Variants in KDM4C observed in about 807,000 individuals in gnomAD.
KDM4C encodes the protein lysine-specific demethylase 4C.
KDM4C carries 81 observed loss-of-function variants against 129.3 expected under a neutral mutation model. That is an observed-to-expected ratio of 0.63 (90% CI 0.52 to 0.75). KDM4C has a LOEUF of 0.75. Ranked by LOEUF, KDM4C falls within the 30% of genes least tolerant of loss-of-function variation. KDM4C has a pLI of 0.00. For missense variants in KDM4C, 1,457 were observed against 1,304.0 expected, an observed-to-expected ratio of 1.12 and a Z score of -1.81; for synonymous variants, 573 against 456.1, an observed-to-expected ratio of 1.26 and a Z score of -3.26.
At chr9:6,777,588 G>T (rs1823354207) in intron 1 of KDM4C, among the ~76,000 whole-genome samples, 1 of 152,172 alleles carries the variant, frequency 6.6e-6, no homozygotes, top group South Asian at 2.1e-4. Context: ...TCTAAGACAA[G>T]AAAGTTGTTA....
At chr9:6,987,970 C>A (rs575471663) in intron 11 of KDM4C, among the ~76,000 whole-genome samples, 1 of 150,460 alleles carries the variant, frequency 6.6e-6, no homozygotes, top group African/African-American at 2.4e-5. Context: ...TGAGCCTGGA[C>A]AACATGGTCA....
chr9:7,162,640 G>C (rs1439572579), intron 19 of KDM4C, among the ~76,000 whole-genome samples: 1 of 152,206 alleles, frequency 6.6e-6, no homozygotes, highest in South Asian at 2.1e-4. Flanking sequence ...TGGTGATATG[G>C]TACCTAAAAT....
intron 8 of KDM4C, among the ~76,000 whole-genome samples, chr9:6,900,455 T>C (rs1177573627): frequency 6.6e-6 from 1 of 152,210 alleles, no homozygotes; most frequent in East Asian, 1.9e-4. Context: ...TATCTCACAA[T>C]TGGTTGAGTT....
chr9:7,014,834 C>A (rs533866113), intron 14 of KDM4C, among the ~76,000 whole-genome samples: 1 of 151,626 alleles, frequency 6.6e-6, no homozygotes, highest in African/African-American at 2.4e-5. Context: ...TTAGAGACTA[C>A]CTACTTCCTC....
At chr9:7,136,719 C>T (rs1841244902) in intron 19 of KDM4C, among the ~76,000 whole-genome samples, 1 of 152,174 alleles carries the variant, frequency 6.6e-6, no homozygotes, top group Non-Finnish European at 1.5e-5. Context: ...ATAGTCTGTA[C>T]ATATCCTTTA....
At chr9:6,842,874 A>G (rs1489934540) in intron 4 of KDM4C, among the ~76,000 whole-genome samples, 1 of 152,048 alleles carries the variant, frequency 6.6e-6, no homozygotes, top group East Asian at 1.9e-4. Flanking sequence ...TGAGTTTGTA[A>G]GTCCTGCTTT....
intron 15 of KDM4C, among the ~76,000 whole-genome samples, chr9:7,031,964 C>A (rs770926775): frequency 6.6e-6 from 1 of 152,166 alleles, no homozygotes; most frequent in Non-Finnish European, 1.5e-5. Flanking sequence ...ATTTATCAGA[C>A]CTCTGGAACT....
At chr9:6,880,908 A>G (rs1301519453) in intron 6 of KDM4C, among the ~76,000 whole-genome samples, 5 of 152,160 alleles carry the variant, frequency 3.3e-5, no homozygotes, top group Admixed American at 2.6e-4. Flanking sequence ...ACCCTTCCAG[A>G]AAGAAGATGT....
At chr9:6,789,108 G>A (rs1307309853) in intron 1 of KDM4C, among the ~76,000 whole-genome samples, 1 of 150,872 alleles carries the variant, frequency 6.6e-6, no homozygotes, top group East Asian at 1.9e-4. Flanking sequence ...GGAGTGCAGT[G>A]GCACAGTCTT....
chr9:6,866,033 G>A (rs1462409654), intron 5 of KDM4C, among the ~76,000 whole-genome samples: 1 of 152,014 alleles, frequency 6.6e-6, no homozygotes, highest in African/African-American at 2.4e-5. Context: ...GATTCACCGT[G>A]CCTGGCCACC....
intron 8 of KDM4C, among the ~76,000 whole-genome samples, chr9:6,958,860 C>G (rs147977258): frequency 1.6e-4 from 24 of 152,090 alleles, no homozygotes; most frequent in African/African-American, 4.1e-4. Context: ...TAGATGCAAG[C>G]TGGTCTCGAA....
chr9:7,173,368 G>A (rs1009518511), intron 21 of KDM4C, among the ~76,000 whole-genome samples: 11 of 152,224 alleles, frequency 7.2e-5, no homozygotes, highest in African/African-American at 2.2e-4. Context: ...AGCAGAGCAC[G>A]GGGCAGGCTT....
Position 7,165,347 on chromosome 9 carries a change from A to G in KDM4C, c.2891A>G (p.His964Arg), listed in dbSNP as rs1844267889. 6.2e-7 allele frequency: 1 copy of G among 1,614,046 alleles called. No individual in the cohort carries two copies. Among genetic ancestry groups the G allele is most frequent in the African/African-American group, 1.3e-5 (1 of 75,044 alleles). ...AAATATTTTGGATCAAATATTGCCC[A>G]CATGTACCAGGTGGGTTCTTCCTTC... ...GAKYFGSNIA[H>R]MYQVEFEDGS... is the part of the protein sequence containing the mutation. Residue 964 changes from histidine to arginine, a missense_variant, in exon 20 of 22, where the codon CAC (histidine) becomes CGC (arginine). Transcript: ENST00000381309.
intron 2 of KDM4C, among the ~76,000 whole-genome samples, chr9:6,803,351 T>G (rs929779920): frequency 6.6e-6 from 1 of 152,118 alleles, no homozygotes; most frequent in Admixed American, 6.5e-5. Context: ...GGTGGTCGGA[T>G]CACGCTGTCA....
At chr9:6,901,391 A>C (rs1817387630) in intron 8 of KDM4C, among the ~76,000 whole-genome samples, 1 of 152,164 alleles carries the variant, frequency 6.6e-6, no homozygotes, top group Non-Finnish European at 1.5e-5. Context: ...GGATTGTCAG[A>C]TATGTGCTCC....
chr9:7,005,832 A>G (rs2132080088), intron 12 of KDM4C, among the ~76,000 whole-genome samples: 1 of 152,336 alleles, frequency 6.6e-6, no homozygotes, highest in East Asian at 1.9e-4. Flanking sequence ...GTTTAGAATC[A>G]TCACCCAACC....
chr9:6,920,687 G>C (rs957645471), intron 8 of KDM4C, among the ~76,000 whole-genome samples: 1 of 152,180 alleles, frequency 6.6e-6, no homozygotes, highest in Non-Finnish European at 1.5e-5. Context: ...TGAAATCAGG[G>C]AACAGATTAA....
At chr9:6,847,687 G>A (rs931714494) in intron 4 of KDM4C, among the ~76,000 whole-genome samples, 3 of 152,202 alleles carry the variant, frequency 2.0e-5, no homozygotes, top group Non-Finnish European at 4.4e-5. Context: ...TCCGCGCCCG[G>A]CCGGATCTTC....
intron 19 of KDM4C, among the ~76,000 whole-genome samples, chr9:7,164,569 G>A (rs1056857848): frequency 5.9e-5 from 9 of 152,282 alleles, no homozygotes; most frequent in African/African-American, 9.6e-5. Flanking sequence ...CTTTAGAAGG[G>A]CCGTGCTAAA....
Sources: allele counts gnomAD v4.1 joint callset (sites outside exome capture counted in the v4.1 genomes callset), GRCh38; gene constraint gnomAD v4.1.1; transcripts MANE v1.5; gene names NCBI Gene and HGNC (gene_info 2026-07-23, HGNC 2026-07-21).